The following SSR1 variants were observed in gnomAD, a reference collection of about 807,000 sequenced individuals.
SSR1 encodes the protein signal sequence receptor subunit 1, also known as translocon-associated protein subunit alpha.
In SSR1, 13 loss-of-function variants were observed where a neutral mutation model predicts 36.1. The observed-to-expected ratio is 0.36, with a 90% confidence interval of 0.23 to 0.57. The LOEUF is 0.57. Among genes scored for constraint, SSR1 ranks in the 20% least tolerant of loss-of-function variants. The probability of loss-of-function intolerance (pLI) is 0.81; values close to 1 mark genes in which losing one functional copy is unlikely to be tolerated. For missense variants in SSR1, 291 were observed against 338.5 expected, an observed-to-expected ratio of 0.86 and a Z score of 1.10; for synonymous variants, 113 against 118.9, an observed-to-expected ratio of 0.95 and a Z score of 0.32.
chr6:7,304,867 G>A (rs771686367), intron 2 of SSR1, among the ~76,000 whole-genome samples: 8 of 152,124 alleles, frequency 5.3e-5, no homozygotes, highest in Non-Finnish European at 8.8e-5. Context: ...AACTTGTCAA[G>A]AGCAAAGATT....
chr6:7,298,655 G>A (rs1277786674), intron 5 of SSR1, 92 bp downstream of exon 5: 15 of 911,530 alleles, frequency 1.6e-5, no homozygotes, highest in African/African-American at 4.9e-5. Context: ...TCATTCCATC[G>A]TCAACATCTA....
At chr6:7,301,060 C>T (rs1283763197) in intron 4 of SSR1, among the ~76,000 whole-genome samples, 1 of 152,182 alleles carries the variant, frequency 6.6e-6, no homozygotes, top group Non-Finnish European at 1.5e-5. Context: ...CACTCCCACA[C>T]AATAGCACCT....
chr6:7,295,742 C>T (rs549879143), intron 6 of SSR1, among the ~76,000 whole-genome samples: 1 of 152,158 alleles, frequency 6.6e-6, no homozygotes, highest in Non-Finnish European at 1.5e-5. Flanking sequence ...ATATTCTCTT[C>T]TAGTCTTCCT....
intron 2 of SSR1, among the ~76,000 whole-genome samples, 169 bp from the exon 3 acceptor site, chr6:7,303,806 C>T (rs552112616): frequency 3.3e-5 from 5 of 152,062 alleles, no homozygotes; most frequent in Non-Finnish European, 7.4e-5. Flanking sequence ...GCCAACATGG[C>T]GAAACCCCGT....
intron 2 of SSR1, among the ~76,000 whole-genome samples, chr6:7,306,111 A>G (rs575772707): frequency 6.6e-6 from 1 of 152,196 alleles, no homozygotes; most frequent in Non-Finnish European, 1.5e-5. Flanking sequence ...AGCCATTTGA[A>G]TATATCATCT....
intron 7 of SSR1, 81 bp from the exon 8 acceptor site, chr6:7,290,012 C>T: frequency 8.5e-7 from 1 of 1,176,316 alleles, no homozygotes; most frequent in Middle Eastern, 2.0e-4. Context: ...TATTTACCTT[C>T]AACTTTACCA....
chr6:7,295,433 A>G lies in SSR1; in HGVS notation c.752T>C (p.Val251Ala), dbSNP rs1380309282. ...TTCCTGAGGAATCCAACTCATGTCA[A>G]CATCATTCTGACTTGATGTACCCAT... ...VEMGTSSQNDVDMSWIPQETL... is the reference protein window; with the variant it reads ...VEMGTSSQNDADMSWIPQETL... The change falls in exon 7 of 8, where the codon GTT (valine) becomes GCT (alanine). Residue 251 changes from valine to alanine, a missense_variant. Physicochemically the swap from Val to Ala is moderately conservative, Grantham distance 64. Coordinates refer to ENST00000244763, the MANE Select transcript of SSR1 (RefSeq NM_003144.5). 1.9e-6 allele frequency: 3 copies of G among 1,612,362 alleles called. No homozygotes were observed. Among genetic ancestry groups the G allele is most frequent in the Non-Finnish European group, 2.5e-6 (3 of 1,179,572 alleles).
chr6:7,304,610 T>A (rs1261301830), intron 2 of SSR1, among the ~76,000 whole-genome samples: 1 of 152,234 alleles, frequency 6.6e-6, no homozygotes, highest in Non-Finnish European at 1.5e-5. Context: ...ACTAAGTGTA[T>A]GTTTAAAACA....
rs1346841264 is a variant in SSR1 at position 7,287,134 on chromosome 6, T to A, written c.*2730A>T. ...AGGGTATGGATATCATTGTACAAGA[T>A]GAATGCTATATATGAGGCTCGCCTA... On this transcript the variant is annotated 3_prime_UTR_variant, in exon 8 of 8. Coordinates refer to ENST00000244763, the MANE Select transcript of SSR1 (RefSeq NM_003144.5). The A allele has an allele frequency of 6.6e-6, 1 of 152,088 alleles. No individual in the cohort carries two copies. The highest frequency in any genetic ancestry group is 1.5e-5 in the Non-Finnish European group (1 of 68,006). 9.4% of individuals were successfully genotyped at this position (152,088 alleles called of 1,614,324 possible).
At chr6:7,312,988 C>T (rs1308171323) in intron 1 of SSR1, 54 bp downstream of exon 1, 2 of 1,540,140 alleles carry the variant, frequency 1.3e-6, no homozygotes, top group Middle Eastern at 1.7e-4. Flanking sequence ...TCAAACTTGC[C>T]ATCACTGGCA....
chr6:7,300,455 CT>C (rs1223130727), intron 4 of SSR1, among the ~76,000 whole-genome samples: 1 of 152,036 alleles, frequency 6.6e-6, no homozygotes, highest in Non-Finnish European at 1.5e-5. Flanking sequence ...TTTGGTTCTC[CT>C]AAATCAAAAA....
chr6:7,302,208 A>G (rs1156310053), intron 3 of SSR1, among the ~76,000 whole-genome samples: 4 of 152,380 alleles, frequency 2.6e-5, no homozygotes, highest in South Asian at 2.1e-4. Context: ...ATAACTTTCA[A>G]TATTAAGTCT....
chr6:7,312,971 T>A, intron 1 of SSR1, 71 bp downstream of exon 1: 1 of 1,497,442 alleles, frequency 6.7e-7, no homozygotes. Flanking sequence ...GGCCACCGCC[T>A]CCAACTTCAA....
At chr6:7,311,880 AACT>A (rs1291907404) in intron 1 of SSR1, among the ~76,000 whole-genome samples, 4 of 152,260 alleles carry the variant, frequency 2.6e-5, no homozygotes, top group Admixed American at 2.6e-4. Context: ...CTAAAACTAA[AACT>A]ACATTTGTCA....
At chr6:7,289,970 A>C (rs566961891) in intron 7 of SSR1, 39 bp from the exon 8 acceptor site, 1 of 1,494,612 alleles carries the variant, frequency 6.7e-7, no homozygotes, top group Admixed American at 2.7e-5. Context: ...GCCTATTATA[A>C]GTATATTGAA....
chr6:7,312,278 A>C (rs3799521), intron 1 of SSR1, among the ~76,000 whole-genome samples: 46,448 of 152,062 alleles, frequency 0.31, 7,882 homozygotes, highest in African/African-American at 0.46. Context: ...TATGTATTAA[A>C]AACACTCGAA....
At chr6:7,311,950 C>G (rs1160984905) in intron 1 of SSR1, among the ~76,000 whole-genome samples, 1 of 152,168 alleles carries the variant, frequency 6.6e-6, no homozygotes, top group Admixed American at 6.5e-5. Context: ...AGTAAAAAAT[C>G]TTGTTAAACC....
Position 7,298,833 on chromosome 6 carries a change from A to C in SSR1, c.544-10T>G, listed in dbSNP as rs751922582. Reference sequence around the variant, plus strand: ...CTTGGAATACATTGCCCTGTTTAAGAAAATAAAATAATCAGAAAAATCTAA... The same window carrying C: ...CTTGGAATACATTGCCCTGTTTAAGCAAATAAAATAATCAGAAAAATCTAA... On this transcript the variant is annotated splice_polypyrimidine_tract_variant and intron_variant, in intron 4 of 7. Transcript: ENST00000244763. 3.1e-6 allele frequency: 5 copies of C among 1,604,558 alleles called. No homozygotes were observed. The Admixed American group carries it at 8.4e-5, about 27-fold the overall frequency.
At chr6:7,300,577 A>G (rs1757911173) in intron 4 of SSR1, among the ~76,000 whole-genome samples, 3 of 152,226 alleles carry the variant, frequency 2.0e-5, no homozygotes, top group Admixed American at 2.0e-4. Context: ...TAAATTTACA[A>G]ACAGAAGTAG....
Sources: allele counts gnomAD v4.1 joint callset (sites outside exome capture counted in the v4.1 genomes callset), GRCh38; gene constraint gnomAD v4.1.1; transcripts MANE v1.5; gene names NCBI Gene and HGNC (gene_info 2026-07-23, HGNC 2026-07-21).